The following RPS6KA2 variants were observed in gnomAD, a reference collection of about 807,000 sequenced individuals.
RPS6KA2 encodes ribosomal protein S6 kinase alpha-2.
RPS6KA2 carries 42 observed loss-of-function variants against 91.8 expected under a neutral mutation model. That is an observed-to-expected ratio of 0.46 (90% CI 0.36 to 0.59). The LOEUF (loss-of-function observed/expected upper bound fraction) is 0.59. RPS6KA2 is among the 20% of genes least tolerant of loss of function. The probability of loss-of-function intolerance (pLI) is 0.00; values close to 1 mark genes in which losing one functional copy is unlikely to be tolerated. For missense variants in RPS6KA2, 798 were observed against 978.5 expected (o/e 0.82, Z 2.46); for synonymous variants, 414 against 393.6 (o/e 1.05, Z -0.61).
intron 10 of RPS6KA2, among the ~76,000 whole-genome samples, chr6:166,474,270 C>A (rs532342435): frequency 1.3e-5 from 2 of 152,292 alleles, no homozygotes; most frequent in East Asian, 3.9e-4. Context: ...AAAAACACAT[C>A]ATCTGGAGAT....
intron 2 of RPS6KA2, among the ~76,000 whole-genome samples, chr6:166,643,441 A>G (rs566479649): frequency 1.3e-5 from 2 of 152,242 alleles, no homozygotes; most frequent in African/African-American, 4.8e-5. Flanking sequence ...CATACATAGG[A>G]TGCAACAAGC....
chr6:166,519,895 G>C (rs991158897), intron 3 of RPS6KA2, among the ~76,000 whole-genome samples: 6 of 152,152 alleles, frequency 3.9e-5, no homozygotes, highest in Admixed American at 3.3e-4. Flanking sequence ...CAACTTGACT[G>C]GGCTAAGAGA....
At position 166,639,072 on chromosome 6, in the gene RPS6KA2, T is replaced by A. The variant is rs905811042; in HGVS notation, c.124-100288A>T. On this transcript the variant is annotated intron_variant, in intron 2 of 21. Transcript: ENST00000503859. This position sits in a 1 kb window ranked among gnomAD's most constrained non-coding sequence, Gnocchi z 4.2. ...CAGTTAAACCAATATGTGGAAGGGC[T>A]TTATAAATCATAAGGTGCTCAATGG... 4.6e-5 allele frequency among the ~76,000 whole-genome samples: 7 copies of A among 152,324 alleles called. No homozygotes were observed. The South Asian group carries it at 1.4e-3, about 32-fold the overall frequency.
At chr6:166,686,767 G>C (rs1450508857) in intron 2 of RPS6KA2, among the ~76,000 whole-genome samples, 1 of 152,200 alleles carries the variant, frequency 6.6e-6, no homozygotes, top group Non-Finnish European at 1.5e-5. Flanking sequence ...CTGTTCAGGA[G>C]CTGTTTCCTG....
intron 2 of RPS6KA2, among the ~76,000 whole-genome samples, chr6:166,700,275 A>G (rs144360480): frequency 6.6e-6 from 1 of 152,194 alleles, no homozygotes; most frequent in Non-Finnish European, 1.5e-5. Context: ...GCTGCTCTCC[A>G]GATATAAGGC....
intron 1 of RPS6KA2, among the ~76,000 whole-genome samples, chr6:166,598,292 A>T (rs1785611214): frequency 6.6e-6 from 1 of 152,078 alleles, no homozygotes; most frequent in African/African-American, 2.4e-5. Flanking sequence ...TCTCCTCCCT[A>T]ACTTGGTGTG....
At chr6:166,696,503 C>T (rs1033218203) in intron 2 of RPS6KA2, among the ~76,000 whole-genome samples, 1 of 152,164 alleles carries the variant, frequency 6.6e-6, no homozygotes, top group Admixed American at 6.5e-5. Flanking sequence ...ATCATTGCCC[C>T]TGAACCATCC....
chr6:166,609,469 C>G (rs891178854), intron 1 of RPS6KA2, among the ~76,000 whole-genome samples: 3 of 151,734 alleles, frequency 2.0e-5, no homozygotes, highest in Non-Finnish European at 2.9e-5. Flanking sequence ...GACTCAGGAG[C>G]ACTGAGACAC....
At chr6:166,764,862 G>A (rs1242381602) in intron 2 of RPS6KA2, among the ~76,000 whole-genome samples, 1 of 152,202 alleles carries the variant, frequency 6.6e-6, no homozygotes, top group Non-Finnish European at 1.5e-5. Flanking sequence ...ACTACACAAC[G>A]TGTGTGTGTT....
intron 1 of RPS6KA2, among the ~76,000 whole-genome samples, chr6:166,559,352 AC>A (rs1416198272): frequency 6.6e-6 from 1 of 152,196 alleles, no homozygotes; most frequent in Non-Finnish European, 1.5e-5. Flanking sequence ...TGCATGACAT[AC>A]GAATTTTGTC....
intron 1 of RPS6KA2, among the ~76,000 whole-genome samples, chr6:166,597,003 G>T (rs529764715): frequency 8.1e-4 from 124 of 152,296 alleles, no homozygotes; most frequent in African/African-American, 2.9e-3. Context: ...AGGCCTGGGT[G>T]ATGGGCACAT....
chr6:166,412,718 C>A lies in RPS6KA2; in HGVS notation c.*44G>T. 6.5e-7 allele frequency: 1 copy of A among 1,549,362 alleles called. No homozygotes were observed. Among genetic ancestry groups the A allele is most frequent in the Non-Finnish European group, 8.7e-7 (1 of 1,147,998 alleles). On this transcript the variant is annotated 3_prime_UTR_variant, in exon 21 of 21. Transcript: ENST00000265678. The surrounding 1 kb of genome is among the most constrained non-coding windows in gnomAD (Gnocchi z 4.3). The stretch of plus-strand genomic sequence containing the variant: ...GCTCCGAGGCCGGGGTCTGTGAGCC[C>A]ACGAGGATGCTGGCAGGGGACGCTG...
chr6:166,591,330 T>G (rs551057571), intron 1 of RPS6KA2, among the ~76,000 whole-genome samples: 2 of 152,230 alleles, frequency 1.3e-5, no homozygotes, highest in Non-Finnish European at 2.9e-5. Context: ...ACAGTGTGGC[T>G]GCTTCCGTCC....
intron 2 of RPS6KA2, among the ~76,000 whole-genome samples, chr6:166,763,598 G>A (rs1778228503): frequency 6.6e-6 from 1 of 152,232 alleles, no homozygotes; most frequent in African/African-American, 2.4e-5. Context: ...GAGCAAGGAA[G>A]GGAACCTTGG....
rs576683001 is a variant in RPS6KA2, at chr6:166,550,778, A to T, written c.100-11994T>A. The stretch of plus-strand genomic sequence containing the variant: ...AGCACTTTGGGAGGCCAAGGCGGTC[A>T]GATCACAAGGTCAGGAGATCGACAC... On this transcript the variant is annotated intron_variant, in intron 1 of 20. Transcript: ENST00000265678. Among the ~76,000 whole-genome samples the T allele has an allele frequency of 2.9e-3, 435 of 152,094 alleles. 2 individuals are homozygous for T. The highest frequency in any genetic ancestry group is 4.6e-3 in the Non-Finnish European group (315 of 67,970).
At chr6:166,657,588 G>A (rs1258635607) in intron 2 of RPS6KA2, among the ~76,000 whole-genome samples, 1 of 152,184 alleles carries the variant, frequency 6.6e-6, no homozygotes, top group Non-Finnish European at 1.5e-5. Flanking sequence ...GTTAATTTAG[G>A]AAGTTGTAGG....
At chr6:166,569,117 T>C (rs1055184989) in intron 1 of RPS6KA2, among the ~76,000 whole-genome samples, 5 of 152,264 alleles carry the variant, frequency 3.3e-5, no homozygotes, top group Admixed American at 6.5e-5. Flanking sequence ...TTACTCTAAG[T>C]TAATGGGTAC....
At chr6:166,809,279 C>T (rs1779572151) in intron 2 of RPS6KA2, among the ~76,000 whole-genome samples, 1 of 152,160 alleles carries the variant, frequency 6.6e-6, no homozygotes, top group Non-Finnish European at 1.5e-5. Flanking sequence ...GAGGAGTATA[C>T]TTCTGTGACT....
rs145771200 is a variant in RPS6KA2, at chr6:166,521,501, C to T, written c.298+9731G>A. ...TAGACTTACTTGGGACCTGTTACTC[C>T]TTTTCTTTCCTATTTCTCCTTTCGG... On this transcript the variant is annotated intron_variant, in intron 3 of 20. Transcript: ENST00000265678. Among the ~76,000 whole-genome samples the T allele has an allele frequency of 2.2e-3, 337 of 152,346 alleles. 1 individual carries two copies. The highest frequency in any genetic ancestry group is 7.6e-3 in the African/African-American group (315 of 41,580).
Sources: gnomAD v4.1 joint callset for allele counts (sites outside exome capture counted in the v4.1 genomes callset) on GRCh38, gnomAD v4.1.1 for gene constraint, Gnocchi (gnomAD v3.1) non-coding constraint, MANE v1.5 for transcripts, NCBI Gene and HGNC (gene_info 2026-07-23, HGNC 2026-07-21) for gene names.